The following TIMD4 variants were observed in gnomAD, a reference collection of about 807,000 sequenced individuals.
TIMD4 encodes T cell immunoglobulin and mucin domain containing 4.
Under a neutral mutation model 41.2 loss-of-function variants are expected in TIMD4, and 31 were observed. That is an observed-to-expected ratio of 0.75 (90% CI 0.57 to 1.01). The LOEUF is 1.01. Ranked by LOEUF, TIMD4 falls within the 50% of genes least tolerant of loss-of-function variation. TIMD4 has a pLI of 0.00. For synonymous variants in TIMD4, 204 were observed against 177.1 expected, an observed-to-expected ratio of 1.15 and a Z score of -1.21; for missense variants, 479 against 472.5, an observed-to-expected ratio of 1.01 and a Z score of -0.13.
chr5:156,962,545 C>T (rs1753088437), intron 1 of TIMD4, among the ~76,000 whole-genome samples: 2 of 152,162 alleles, frequency 1.3e-5, no homozygotes, highest in South Asian at 4.1e-4. Flanking sequence ...GCAATTTAGA[C>T]ATATTCCCAG....
intron 8 of TIMD4, 42 bp downstream of exon 8, chr5:156,920,422 T>C (rs1423164210): frequency 1.2e-6 from 2 of 1,606,246 alleles, no homozygotes; most frequent in Non-Finnish European, 1.7e-6. Context: ...TTGTAACAGC[T>C]TGTACAATCA....
At position 156,954,489 on chromosome 5, in the gene TIMD4, A is replaced by C; in HGVS notation, c.326T>G (p.Val109Gly). 1 of 1,614,222 alleles carries C rather than the reference A, an allele frequency of 6.2e-7. No homozygotes were observed. The highest frequency in any genetic ancestry group is 1.7e-5 in the Admixed American group (1 of 60,026). Reference sequence around the variant, plus strand: ...AGGCACTTCTATGCGGCAGCAGTACACACCGCTGTCACTTTCACTGGGGTT... The same window carrying C: ...AGGCACTTCTATGCGGCAGCAGTACCCACCGCTGTCACTTTCACTGGGGTT... ...ILNPSESDSG[V>G]YCCRIEVPGW... The change falls in exon 2 of 9, where the codon GTG becomes GGG. Residue 109 changes from valine to glycine, a missense_variant. By Grantham distance (109) the Val-to-Gly change is moderately radical (BLOSUM62 -3). Transcript: ENST00000274532.
chr5:156,943,979 G>A (rs1051133201), intron 5 of TIMD4, among the ~76,000 whole-genome samples: 1 of 151,044 alleles, frequency 6.6e-6, no homozygotes, highest in African/African-American at 2.4e-5. Context: ...AAAATCGCTT[G>A]AACCCAGGAG....
In TIMD4 at chr5:156,949,421, TCC is replaced by T. The variant is rs1561552133; in HGVS notation, c.760+228_760+229del. On this transcript the variant is annotated intron_variant, in intron 4 of 8. Coordinates refer to ENST00000274532, the MANE Select transcript of TIMD4 (RefSeq NM_138379.3). Reference sequence around the variant, plus strand: ...AGGGTCTTCCTTTTCCCTACCTCCCTCCTCCTCCTCCTCCTCCTCCTCCTCCT... The same window carrying T: ...AGGGTCTTCCTTTTCCCTACCTCCCTTCCTCCTCCTCCTCCTCCTCCTCCT... Among the ~76,000 whole-genome samples, 5 of 17,780 alleles carry T rather than the reference TCC, an allele frequency of 2.8e-4. No homozygotes were observed. The East Asian group carries it at 0.042, about 148-fold the overall frequency. The allele number at this position is 17,780 out of a possible 152,430, so 11.7% of individuals were successfully genotyped here. A position where few individuals can be genotyped will look rare whatever the true frequency, so the allele number is the denominator to read the frequency against.
Position 156,928,822 on chromosome 5 carries a change from C to T in TIMD4, c.845-2510G>A, listed in dbSNP as rs188730679. ...AATTATCCCCTAGAGCTGAAAATTGCAGGTAAGAATTCAAAACTCCTACCC... is the reference window on the plus strand; with the variant it reads ...AATTATCCCCTAGAGCTGAAAATTGTAGGTAAGAATTCAAAACTCCTACCC... On this transcript the variant is annotated intron_variant, in intron 5 of 8. Transcript: ENST00000274532. 2.2e-3 allele frequency among the ~76,000 whole-genome samples: 335 copies of T among 152,248 alleles called. 1 individual carries two copies. Among genetic ancestry groups the T allele is most frequent in the African/African-American group, 7.1e-3 (297 of 41,566 alleles).
chr5:156,944,270 GGTTTTGTA>G (rs1244402527), intron 5 of TIMD4, among the ~76,000 whole-genome samples: 1 of 151,998 alleles, frequency 6.6e-6, no homozygotes, highest in African/African-American at 2.4e-5. Flanking sequence ...AGCCATTTGG[GGTTTTGTA>G]GAATATTTAG....
At chr5:156,929,289 CA>C (rs1759405929) in intron 5 of TIMD4, among the ~76,000 whole-genome samples, 1 of 152,158 alleles carries the variant, frequency 6.6e-6, no homozygotes, top group Non-Finnish European at 1.5e-5. Context: ...TACATTGAGA[CA>C]AAGGCAGGAG....
intron 6 of TIMD4, among the ~76,000 whole-genome samples, chr5:156,922,764 C>A (rs759153515): frequency 7.0e-6 from 1 of 143,130 alleles, no homozygotes; most frequent in Non-Finnish European, 1.5e-5. Context: ...CTGTCACTTA[C>A]ACAGAATGTG....
At chr5:156,960,196 G>A (rs1197447481) in intron 1 of TIMD4, among the ~76,000 whole-genome samples, 1 of 151,998 alleles carries the variant, frequency 6.6e-6, no homozygotes, top group Non-Finnish European at 1.5e-5. Context: ...CTAGTAGCAG[G>A]ACATGTAGAC....
chr5:156,961,660 A>G (rs976633920), intron 1 of TIMD4, among the ~76,000 whole-genome samples: 1 of 151,800 alleles, frequency 6.6e-6, no homozygotes, highest in Non-Finnish European at 1.5e-5. Context: ...AAAATTAGCC[A>G]GGCATGGTGG....
rs758848633 is a variant in TIMD4, at chr5:156,948,489, A to G, written c.771T>C (p.Val257=). The G allele has an allele frequency of 1.3e-6, 2 of 1,548,962 alleles. No homozygotes were observed. Among genetic ancestry groups the G allele is most frequent in the Non-Finnish European group, 1.7e-6 (2 of 1,148,436 alleles). Residue 257 remains valine (V), a synonymous_variant, in exon 5 of 9, where the codon GTT becomes GTC. Coordinates refer to ENST00000274532, the MANE Select transcript of TIMD4 (RefSeq NM_138379.3). ...CGTGGGATGTTGATGGGAGATCCCA[A>G]ACTTTGGACTCTTTGGAAAAACAAA... ...TVLLTSKESK[V]WDLPSTSHVS... is the part of the protein sequence containing the mutation.
chr5:156,933,062 T>C (rs1759472643), intron 5 of TIMD4, among the ~76,000 whole-genome samples: 1 of 151,374 alleles, frequency 6.6e-6, no homozygotes, highest in Non-Finnish European at 1.5e-5. Flanking sequence ...CATTTCACAT[T>C]GTTCTATCGA....
intron 5 of TIMD4, among the ~76,000 whole-genome samples, chr5:156,932,992 A>G (rs1759471040): frequency 6.6e-6 from 1 of 151,000 alleles, no homozygotes; most frequent in African/African-American, 2.5e-5. Context: ...CAACCGAGTA[A>G]GACTCTGTCT....
chr5:156,945,201 T>TA (rs1225186126), intron 5 of TIMD4, among the ~76,000 whole-genome samples: 1 of 152,148 alleles, frequency 6.6e-6, no homozygotes, highest in East Asian at 1.9e-4. Context: ...GGCACGGTGT[T>TA]AGAGTGATCT....
chr5:156,928,797 A>C (rs1330091669), intron 5 of TIMD4, among the ~76,000 whole-genome samples: 1 of 152,176 alleles, frequency 6.6e-6, no homozygotes, highest in African/African-American at 2.4e-5. Context: ...TTCTCTCTGC[A>C]ATTATCCCCT....
intron 7 of TIMD4, among the ~76,000 whole-genome samples, chr5:156,920,911 G>C (rs538086874): frequency 6.6e-6 from 1 of 152,182 alleles, no homozygotes; most frequent in Non-Finnish European, 1.5e-5. Flanking sequence ...ACCTGGGGCA[G>C]GTGTTGAAAT....
intron 1 of TIMD4, among the ~76,000 whole-genome samples, chr5:156,961,186 C>A (rs1159560466): frequency 6.6e-6 from 1 of 152,172 alleles, no homozygotes; most frequent in Non-Finnish European, 1.5e-5. Context: ...TGAGGTATCA[C>A]TTCATTTCTG....
At chr5:156,936,703 G>A (rs1439795091) in intron 5 of TIMD4, among the ~76,000 whole-genome samples, 3 of 151,794 alleles carry the variant, frequency 2.0e-5, no homozygotes, top group African/African-American at 7.3e-5. Context: ...GATCACCTGA[G>A]GTCAAAAGTT....
chr5:156,920,456 T>C lies in TIMD4; in HGVS notation c.1052+8A>G, dbSNP rs569216132. The C allele has an allele frequency of 1.7e-5, 27 of 1,613,956 alleles. No homozygotes were observed. The highest frequency in any genetic ancestry group is 2.2e-5 in the South Asian group (2 of 91,086). On this transcript the variant is annotated splice_region_variant and intron_variant, in intron 8 of 8. Coordinates refer to ENST00000274532, the MANE Select transcript of TIMD4 (RefSeq NM_138379.3). ...CATTACAACACCCATTCATGCAAGA[T>C]AGATTACCTTGTGTGTTTCTGCGAA... is the stretch of plus-strand genomic sequence containing the variant.
Sources: gnomAD v4.1 joint callset for allele counts (sites outside exome capture counted in the v4.1 genomes callset) on GRCh38, gnomAD v4.1.1 for gene constraint, MANE v1.5 for transcripts, NCBI Gene and HGNC (gene_info 2026-07-23, HGNC 2026-07-21) for gene names.